USP34: variants seen among roughly 807,000 people sequenced by gnomAD.
The protein encoded by USP34 is ubiquitin carboxyl-terminal hydrolase 34.
USP34 carries 70 observed loss-of-function variants against 460.3 expected under a neutral mutation model. The observed-to-expected ratio is 0.15, with a 90% confidence interval of 0.13 to 0.19. The LOEUF is 0.19. Among genes scored for constraint, USP34 ranks in the 10% least tolerant of loss-of-function variants. USP34 has a pLI of 1.00. For synonymous variants in USP34, 1,647 were observed against 1,405.3 expected, an observed-to-expected ratio of 1.17 and a Z score of -3.85; for missense variants, 3,985 against 4,236.2, an observed-to-expected ratio of 0.94 and a Z score of 1.65.
intron 53 of USP34, among the ~76,000 whole-genome samples, chr2:61,236,645 A>T (rs1372243257): frequency 6.6e-6 from 1 of 152,206 alleles, no homozygotes; most frequent in African/African-American, 2.4e-5. Context: ...TGCTGCAAGA[A>T]TTCTGAAATC....
At chr2:61,357,818 G>A (rs1692151456) in intron 10 of USP34, among the ~76,000 whole-genome samples, 1 of 151,994 alleles carries the variant, frequency 6.6e-6, no homozygotes, top group Non-Finnish European at 1.5e-5. Flanking sequence ...CAGAAGGACT[G>A]CCTGAGCCCA....
At chr2:61,251,359 G>C (rs971897527) in intron 48 of USP34, among the ~76,000 whole-genome samples, 3 of 152,058 alleles carry the variant, frequency 2.0e-5, no homozygotes, top group African/African-American at 7.2e-5. Flanking sequence ...TAAAGAGTTT[G>C]TTCAAAATAA....
intron 8 of USP34, among the ~76,000 whole-genome samples, chr2:61,375,592 A>AAC (rs1692768577): frequency 6.6e-6 from 1 of 152,008 alleles, no homozygotes; most frequent in South Asian, 2.1e-4. Flanking sequence ...ACACAGTGAA[A>AAC]CCCCGTCTCT....
At chr2:61,295,118 G>A (rs1446166764) in intron 31 of USP34, 50 bp downstream of exon 31, 3 of 1,596,922 alleles carry the variant, frequency 1.9e-6, no homozygotes, top group Non-Finnish European at 2.6e-6. Flanking sequence ...ATAGAATTTT[G>A]CTCCAGAGAG....
intron 19 of USP34, among the ~76,000 whole-genome samples, chr2:61,333,405 T>C (rs542086808): frequency 6.6e-6 from 1 of 152,184 alleles, no homozygotes; most frequent in East Asian, 1.9e-4. Context: ...CCTTTGAGTG[T>C]CCTACTGATG....
chr2:61,380,202 C>A lies in USP34; in HGVS notation c.981G>T (p.Leu327Phe). 1 of 1,613,826 alleles carries A rather than the reference C, an allele frequency of 6.2e-7. No homozygotes were observed. The highest frequency in any genetic ancestry group is 1.1e-5 in the South Asian group (1 of 91,044). ...GACTCAATCCAGCCAACCTCATAGT[C>A]AAAGTAGGTGACATAAAGTACTTAA... is the stretch of plus-strand genomic sequence containing the variant. ...LAFKYFMSPT[L>F]TMRLAGLSQI... Residue 327 changes from leucine to phenylalanine, a missense_variant, in exon 7 of 80, where the codon TTG (leucine) becomes TTT (phenylalanine). By Grantham distance (22) the Leu-to-Phe change is conservative. This residue lies in a region of USP34 where 70 missense variants were observed against 109.5 expected (regional missense o/e 0.64). Transcript: ENST00000398571.
intron 3 of USP34, among the ~76,000 whole-genome samples, chr2:61,403,293 C>T (rs1315129620): frequency 6.6e-6 from 1 of 152,066 alleles, no homozygotes; most frequent in Non-Finnish European, 1.5e-5. Flanking sequence ...AGAAAAAACA[C>T]TGATGAGCAA....
chr2:61,291,262 A>G (rs1224852885), intron 33 of USP34, among the ~76,000 whole-genome samples: 1 of 152,170 alleles, frequency 6.6e-6, no homozygotes, highest in Non-Finnish European at 1.5e-5. Flanking sequence ...ACCACTTTAC[A>G]CACTAGGATA....
chr2:61,331,462 AATCT>A (rs1243667858), intron 19 of USP34, 91 bp from the exon 20 acceptor site: 47 of 1,041,956 alleles, frequency 4.5e-5, no homozygotes, highest in Middle Eastern at 3.1e-4. Context: ...ATCTAAAAAA[AATCT>A]TCAAATGTAA....
intron 6 of USP34, 137 bp from the exon 7 acceptor site, chr2:61,380,498 G>C (rs1269708816): frequency 6.1e-6 from 5 of 818,750 alleles, no homozygotes; most frequent in Non-Finnish European, 9.2e-6. Context: ...TTTCCTCTCA[G>C]GCCCTGCCTA....
Position 61,229,599 on chromosome 2 carries a change from C to T in USP34, c.7148G>A (p.Arg2383Lys). The change falls in exon 59 of 80, where the codon AGG becomes AAG. Residue 2383 changes from arginine to lysine, a missense_variant. Around this residue, in one of 14 missense-constraint regions of USP34, gnomAD observed 604 missense variants for 684.8 expected, o/e 0.88. Transcript: ENST00000398571. Reference sequence around the variant, plus strand: ...GAGATGAGCATGCACAGGTCTCAGCCTCTGAATCACATGGATACACAAACG... The same window carrying T: ...GAGATGAGCATGCACAGGTCTCAGCTTCTGAATCACATGGATACACAAACG... The part of the protein sequence containing the change: ...FQRLCIHVIQ[R>K]LRPVHAHLYL... The T allele has an allele frequency of 1.2e-6, 2 of 1,612,850 alleles. No individual in the cohort carries two copies. The highest frequency in any genetic ancestry group is 1.7e-6 in the Non-Finnish European group (2 of 1,179,614).
At chr2:61,455,043 A>G (rs778141) in intron 1 of USP34, among the ~76,000 whole-genome samples, 98,840 of 151,336 alleles carry the variant, frequency 0.65, 32,414 homozygotes, top group African/African-American at 0.72. Context: ...CACAATGCTA[A>G]GCTAATTTTT....
At chr2:61,385,480 G>A (rs944649170) in intron 5 of USP34, among the ~76,000 whole-genome samples, 5 of 151,512 alleles carry the variant, frequency 3.3e-5, no homozygotes, top group African/African-American at 1.2e-4. Context: ...GACCATCCTG[G>A]CTAACATGGT....
At chr2:61,308,525 T>C (rs1690484298) in intron 27 of USP34, among the ~76,000 whole-genome samples, 1 of 152,036 alleles carries the variant, frequency 6.6e-6, no homozygotes, top group Non-Finnish European at 1.5e-5. Flanking sequence ...ATATGTTCCA[T>C]AAGGAGAGAA....
intron 2 of USP34, among the ~76,000 whole-genome samples, chr2:61,411,997 C>G (rs975988999): frequency 2.0e-5 from 3 of 151,822 alleles, no homozygotes; most frequent in Non-Finnish European, 2.9e-5. Flanking sequence ...TGAGATCAGC[C>G]TGACCAACAT....
chr2:61,283,795 A>C (rs1464338708), intron 35 of USP34, among the ~76,000 whole-genome samples: 1 of 152,108 alleles, frequency 6.6e-6, no homozygotes, highest in African/African-American at 2.4e-5. Context: ...TTTGCAAAAG[A>C]GACTATATTT....
intron 8 of USP34, among the ~76,000 whole-genome samples, chr2:61,370,951 A>T (rs1306202258): frequency 1.3e-5 from 2 of 152,208 alleles, no homozygotes; most frequent in South Asian, 4.1e-4. Flanking sequence ...CTTTATAATG[A>T]GATAATATCA....
At chr2:61,412,482 A>T (rs1299365789) in intron 2 of USP34, among the ~76,000 whole-genome samples, 1 of 152,180 alleles carries the variant, frequency 6.6e-6, no homozygotes, top group South Asian at 2.1e-4. Context: ...TTTTGTATAT[A>T]TATCATTTAC....
chr2:61,318,890 A>G (rs1169421339), intron 22 of USP34, among the ~76,000 whole-genome samples: 1 of 152,330 alleles, frequency 6.6e-6, no homozygotes, highest in South Asian at 2.1e-4. Flanking sequence ...AAAAACAAAC[A>G]CTAAGAAAAT....
Sources: allele counts gnomAD v4.1 joint callset (sites outside exome capture counted in the v4.1 genomes callset), GRCh38; gene constraint gnomAD v4.1.1; regional missense constraint gnomAD v4.1.1; transcripts MANE v1.5; gene names NCBI Gene and HGNC (gene_info 2026-07-23, HGNC 2026-07-21).